Variants in FBXL7 observed in about 807,000 individuals in gnomAD.
The protein encoded by FBXL7 is F-box and leucine rich repeat protein 7.
FBXL7 carries 12 observed loss-of-function variants against 38.3 expected under a neutral mutation model. The ratio of observed to expected loss-of-function variants is 0.31; its 90% CI spans 0.20 to 0.51. The LOEUF (loss-of-function observed/expected upper bound fraction) is 0.51. FBXL7 is among the 20% of genes least tolerant of loss of function. The pLI is 0.98. For synonymous variants in FBXL7, 297 were observed against 300.9 expected (o/e 0.99, Z 0.13); for missense variants, 567 against 676.4 (o/e 0.84, Z 1.79).
At chr5:15,698,343 A>G (rs370884955) in intron 2 of FBXL7, among the ~76,000 whole-genome samples, 3 of 152,348 alleles carry the variant, frequency 2.0e-5, no homozygotes, top group South Asian at 2.1e-4. Context: ...CAAATTAAGC[A>G]TATGCATGTG....
At chr5:15,637,230 A>G (rs1741216473) in intron 2 of FBXL7, among the ~76,000 whole-genome samples, 1 of 152,214 alleles carries the variant, frequency 6.6e-6, no homozygotes, top group South Asian at 2.1e-4. Context: ...ATGGGCAGAA[A>G]TTGGAGCCAG....
At chr5:15,616,389 T>C (rs1007539518) in intron 2 of FBXL7, among the ~76,000 whole-genome samples, 3 of 152,196 alleles carry the variant, frequency 2.0e-5, no homozygotes, top group Admixed American at 2.0e-4. Flanking sequence ...AAAAATGATA[T>C]TATTTTAAAA....
intron 2 of FBXL7, among the ~76,000 whole-genome samples, chr5:15,667,746 T>C (rs530843002): frequency 6.6e-6 from 1 of 152,322 alleles, no homozygotes; most frequent in Non-Finnish European, 1.5e-5. Context: ...GGGTTTTCAT[T>C]CTTCCCTCCT....
intron 2 of FBXL7, among the ~76,000 whole-genome samples, chr5:15,912,768 C>T (rs1223717658): frequency 6.6e-6 from 1 of 152,058 alleles, no homozygotes; most frequent in Non-Finnish European, 1.5e-5. Context: ...AGGGACCCAC[C>T]GAAACGCCAG....
At chr5:15,702,833 G>GA (rs1345060015) in intron 2 of FBXL7, among the ~76,000 whole-genome samples, 1 of 152,098 alleles carries the variant, frequency 6.6e-6, no homozygotes, top group Non-Finnish European at 1.5e-5. Flanking sequence ...TCCGAAAAGA[G>GA]AGTCAGCCAA....
chr5:15,720,319 G>C lies in FBXL7; in HGVS notation c.127+104247G>C, dbSNP rs1415083747. On this transcript the variant is annotated intron_variant, in intron 2 of 3. Coordinates refer to ENST00000504595, the MANE Select transcript of FBXL7 (RefSeq NM_012304.5). ...AAGGATCAGGTGGAAGAGGATAGTG[G>C]AAAGGACTGAGGGTAAATTATACAA... Among the ~76,000 whole-genome samples, 2 of 148,446 alleles carry C rather than the reference G, an allele frequency of 1.3e-5. 1 individual carries two copies. The highest frequency in any genetic ancestry group is 1.4e-4 in the Admixed American group (2 of 14,648).
chr5:15,781,901 T>C (rs2126721738), intron 2 of FBXL7, among the ~76,000 whole-genome samples: 1 of 152,268 alleles, frequency 6.6e-6, no homozygotes, highest in East Asian at 1.9e-4. Flanking sequence ...TACATAGATA[T>C]ACATGTGCCA....
intron 2 of FBXL7, among the ~76,000 whole-genome samples, chr5:15,852,975 C>T (rs982941581): frequency 2.0e-5 from 3 of 152,164 alleles, no homozygotes; most frequent in African/African-American, 7.2e-5. Flanking sequence ...GGCTGTCACT[C>T]ATGGAGGGCT....
intron 2 of FBXL7, among the ~76,000 whole-genome samples, chr5:15,802,268 C>T (rs1395543947): frequency 6.6e-6 from 1 of 152,094 alleles, no homozygotes; most frequent in African/African-American, 2.4e-5. Context: ...CCAGTGTGAC[C>T]TTTGAGAAGC....
intron 1 of FBXL7, among the ~76,000 whole-genome samples, chr5:15,511,454 A>G (rs1206245251): frequency 6.6e-6 from 1 of 152,232 alleles, no homozygotes; most frequent in African/African-American, 2.4e-5. Flanking sequence ...AGGGCTGAGA[A>G]GAGTGTACAC....
intron 1 of FBXL7, among the ~76,000 whole-genome samples, chr5:15,578,813 A>G (rs976762462): frequency 3.3e-5 from 5 of 152,212 alleles, no homozygotes; most frequent in Non-Finnish European, 5.9e-5. Context: ...AAAATAAAAA[A>G]GTTTGGTGGC....
chr5:15,682,821 A>G (rs1742890516), intron 2 of FBXL7, among the ~76,000 whole-genome samples: 2 of 152,184 alleles, frequency 1.3e-5, no homozygotes, highest in South Asian at 2.1e-4. Context: ...TGAAGTATTT[A>G]TGTCTGATTG....
intron 2 of FBXL7, among the ~76,000 whole-genome samples, chr5:15,920,718 A>C (rs1471686648): frequency 6.6e-6 from 1 of 151,960 alleles, no homozygotes; most frequent in African/African-American, 2.4e-5. Context: ...ATGGGGTTTC[A>C]CCATGTTCAC....
intron 1 of FBXL7, among the ~76,000 whole-genome samples, chr5:15,554,392 C>A (rs1004820609): frequency 6.6e-6 from 1 of 152,154 alleles, no homozygotes; most frequent in Non-Finnish European, 1.5e-5. Context: ...TTAGAACAGT[C>A]GTAACTACCA....
intron 1 of FBXL7, among the ~76,000 whole-genome samples, chr5:15,545,693 C>T (rs1037348867): frequency 6.6e-6 from 1 of 152,118 alleles, no homozygotes; most frequent in Non-Finnish European, 1.5e-5. Context: ...ACAGATGTTG[C>T]TCTTTATATG....
intron 2 of FBXL7, among the ~76,000 whole-genome samples, chr5:15,743,924 T>C (rs927971083): frequency 7.9e-5 from 12 of 152,344 alleles, no homozygotes; most frequent in African/African-American, 2.9e-4. Flanking sequence ...GCCTGAGCTC[T>C]ACATTGGCTT....
rs1741925473 is a variant in FBXL7 at position 15,927,891 on chromosome 5, C to G, written c.129C>G (p.Asp43Glu). Residue 43 changes from aspartate (D) to glutamate (E), a missense_variant and splice_region_variant, in exon 3 of 4, where the codon GAC becomes GAG. By Grantham distance (45) the Asp-to-Glu change is conservative. Coordinates refer to ENST00000504595, the MANE Select transcript of FBXL7 (RefSeq NM_012304.5). ...KAQKNVATSE[D>E]SDLSMRTLST... ...CCTTTGTTCTCTGTCCTTTGCCAGA[C>G]TCCGACCTGAGCATGCGCACACTGA... The G allele has an allele frequency of 6.6e-7, 1 of 1,519,248 alleles. No homozygotes were observed. Among genetic ancestry groups the G allele is most frequent in the Non-Finnish European group, 8.8e-7 (1 of 1,133,538 alleles). 94.1% of individuals were successfully genotyped at this position (1,519,248 alleles called of 1,614,324 possible).
At chr5:15,877,981 A>C (rs1341235203) in intron 2 of FBXL7, among the ~76,000 whole-genome samples, 1 of 152,172 alleles carries the variant, frequency 6.6e-6, no homozygotes, top group Admixed American at 6.5e-5. Context: ...TTTCAGGCCT[A>C]GTCCTAAAGG....
At chr5:15,777,204 G>A (rs1296134506) in intron 2 of FBXL7, among the ~76,000 whole-genome samples, 1 of 152,032 alleles carries the variant, frequency 6.6e-6, no homozygotes, top group Non-Finnish European at 1.5e-5. Flanking sequence ...CACATTGTTA[G>A]TAGTGGAACT....
Sources: gnomAD v4.1 joint callset for allele counts (sites outside exome capture counted in the v4.1 genomes callset) on GRCh38, gnomAD v4.1.1 for gene constraint, MANE v1.5 for transcripts, NCBI Gene and HGNC (gene_info 2026-07-23, HGNC 2026-07-21) for gene names.